Variants in MTBP observed in about 807,000 individuals in gnomAD.
The protein encoded by MTBP is MDM2 binding protein.
Under a neutral mutation model 117.0 loss-of-function variants are expected in MTBP, and 101 were observed. That is an observed-to-expected ratio of 0.86 (90% CI 0.73 to 1.02). The LOEUF (loss-of-function observed/expected upper bound fraction) is 1.02. MTBP is among the 50% of genes least tolerant of loss of function. The pLI is 0.00. For missense variants in MTBP, 970 were observed against 1,030.9 expected (o/e 0.94, Z 0.81); for synonymous variants, 350 against 351.5 (o/e 1.00, Z 0.05).
chr8:120,489,189 C>T (rs1200594355), intron 12 of MTBP, among the ~76,000 whole-genome samples: 1 of 152,002 alleles, frequency 6.6e-6, no homozygotes, highest in Non-Finnish European at 1.5e-5. Context: ...CAGGTGTGCA[C>T]CACCATGCCC....
In MTBP at chr8:120,497,482, T is replaced by G; in HGVS notation, c.1537T>G (p.Tyr513Asp). ...LVLTRKHFLD[Y>D]FDAVIPKMIL... ...ACTCACAAGGAAACACTTTTTAGAT[T>G]ATTTTGATGCTGTGATTCCTAAAAT... Residue 513 changes from tyrosine (Y) to aspartate (D), a missense_variant, in exon 14 of 22, where the codon TAT becomes GAT. Transcript: ENST00000305949. The G allele has an allele frequency of 6.3e-7, 1 of 1,597,100 alleles. No homozygotes were observed. Among genetic ancestry groups the G allele is most frequent in the Middle Eastern group, 1.7e-4 (1 of 6,014 alleles).
intron 13 of MTBP, among the ~76,000 whole-genome samples, chr8:120,493,241 C>T (rs1222711167): frequency 6.6e-6 from 1 of 152,118 alleles, no homozygotes; most frequent in East Asian, 1.9e-4. Context: ...ATGTTTTTCT[C>T]TCAAATATTT....
At chr8:120,502,858 GC>G (rs1292679552) in intron 15 of MTBP, among the ~76,000 whole-genome samples, 3 of 152,154 alleles carry the variant, frequency 2.0e-5, no homozygotes, top group Admixed American at 6.5e-5. Context: ...TTGGTATATA[GC>G]CTTTCAGACC....
At chr8:120,513,819 C>T (rs569066793) in intron 17 of MTBP, among the ~76,000 whole-genome samples, 125 of 151,944 alleles carry the variant, frequency 8.2e-4, no homozygotes, top group Non-Finnish European at 1.2e-3. Flanking sequence ...CTACCAATTA[C>T]CCATGATAGA....
At chr8:120,512,204 G>C (rs1369451186) in intron 17 of MTBP, among the ~76,000 whole-genome samples, 1 of 152,092 alleles carries the variant, frequency 6.6e-6, no homozygotes, top group East Asian at 1.9e-4. Flanking sequence ...TCACTGTTGA[G>C]AAAATGTGCT....
At chr8:120,465,673 T>G (rs1310643152) in intron 10 of MTBP, among the ~76,000 whole-genome samples, 1 of 147,604 alleles carries the variant, frequency 6.8e-6, no homozygotes, top group African/African-American at 2.5e-5. Context: ...TTTTTTTTTT[T>G]TTTTGAGACG....
chr8:120,446,829 A>G (rs1373535441), intron 2 of MTBP, among the ~76,000 whole-genome samples: 4 of 152,168 alleles, frequency 2.6e-5, no homozygotes, highest in African/African-American at 9.7e-5. Flanking sequence ...TATCATGAGT[A>G]AAAATATGTA....
intron 12 of MTBP, among the ~76,000 whole-genome samples, chr8:120,490,038 G>A (rs1249640618): frequency 1.3e-5 from 2 of 152,136 alleles, no homozygotes; most frequent in African/African-American, 4.8e-5. Context: ...GGCTATCATG[G>A]GACCATCCAG....
chr8:120,492,227 A>G (rs1226475612), intron 13 of MTBP, among the ~76,000 whole-genome samples: 1 of 152,200 alleles, frequency 6.6e-6, no homozygotes, highest in African/African-American at 2.4e-5. Context: ...TACTTACTGA[A>G]CAAATCTCTT....
In MTBP at chr8:120,446,501, A is replaced by G; in HGVS notation, c.187A>G (p.Ser63Gly). ...TAGTGCTTCAATTAATCCAGAAGAT[A>G]GTACTTTCCCTGGTAAGTATAATAA... ...SISASINPED[S>G]TFPACSVGGI... Residue 63 changes from serine (S) to glycine (G), a missense_variant, in exon 2 of 22, where the codon AGT (serine) becomes GGT (glycine). By Grantham distance (56) the Ser-to-Gly change is moderately conservative. Transcript: ENST00000305949. 6.3e-7 allele frequency: 1 copy of G among 1,577,402 alleles called. No homozygotes were observed. Among genetic ancestry groups the G allele is most frequent in the Non-Finnish European group, 8.7e-7 (1 of 1,147,084 alleles).
chr8:120,511,324 T>C (rs57263062), intron 17 of MTBP, among the ~76,000 whole-genome samples: 2 of 152,354 alleles, frequency 1.3e-5, no homozygotes, highest in East Asian at 3.9e-4. Flanking sequence ...TTCTAGACAG[T>C]CTCACTTTTT....
chr8:120,475,006 G>A (rs865944708), intron 11 of MTBP, among the ~76,000 whole-genome samples: 2 of 151,820 alleles, frequency 1.3e-5, no homozygotes, highest in African/African-American at 4.8e-5. Context: ...TATTTTTATC[G>A]AGCACTTACA....
At chr8:120,483,176 A>C (rs559286102) in intron 11 of MTBP, among the ~76,000 whole-genome samples, 1 of 152,120 alleles carries the variant, frequency 6.6e-6, no homozygotes, top group Admixed American at 6.6e-5. Flanking sequence ...TGATTTATGA[A>C]TATAAAGTAA....
At chr8:120,499,606 G>A (rs1169006064) in intron 14 of MTBP, among the ~76,000 whole-genome samples, 6 of 152,010 alleles carry the variant, frequency 3.9e-5, no homozygotes. Flanking sequence ...AAACACTAAG[G>A]CCAATTAGAT....
chr8:120,518,193 T>C (rs959545196), intron 19 of MTBP, 93 bp downstream of exon 19: 93 of 1,335,876 alleles, frequency 7.0e-5, no homozygotes, highest in Middle Eastern at 2.6e-4. Context: ...ATTTTATGAA[T>C]GAAATGAAAC....
At position 120,453,863 on chromosome 8, in the gene MTBP, G is replaced by A; in HGVS notation, c.442G>A (p.Ala148Thr). The change falls in exon 5 of 22, where the codon GCA becomes ACA. Residue 148 changes from alanine (A) to threonine (T), a missense_variant. Ala to Thr is a moderately conservative substitution (Grantham distance 58, BLOSUM62 0). Coordinates refer to ENST00000305949, the MANE Select transcript of MTBP (RefSeq NM_022045.5). ...TTATTTTAGTCTCTATGAAGAAGCT[G>A]CAGAAAATTTGCATCAGCTGTCAGA... The part of the protein sequence containing the change: ...LSLADLYEEA[A>T]ENLHQLSDKL... 6.3e-7 allele frequency: 1 copy of A among 1,582,338 alleles called. No homozygotes were observed. The highest frequency in any genetic ancestry group is 8.6e-7 in the Non-Finnish European group (1 of 1,160,518).
In MTBP at chr8:120,470,880, C is replaced by T; in HGVS notation, c.1108C>T (p.Gln370Ter). ...TAACATACTGATTCCACCTCCCAACCAACTCAGTTCAAGAAAATGGAAGGA... is the reference window on the plus strand; with the variant it reads ...TAACATACTGATTCCACCTCCCAACTAACTCAGTTCAAGAAAATGGAAGGA... ...ISNILIPPPN[Q>*]LSSRKWKEYI... Residue 370 changes from glutamine (Q) to a stop codon, truncating the protein, a stop_gained, in exon 11 of 22, where the codon CAA becomes TAA. Coordinates refer to ENST00000305949, the MANE Select transcript of MTBP (RefSeq NM_022045.5). LOFTEE classifies it high-confidence loss of function. 1 of 1,612,402 alleles carries T rather than the reference C, an allele frequency of 6.2e-7. No individual in the cohort carries two copies. Among genetic ancestry groups the T allele is most frequent in the East Asian group, 2.2e-5 (1 of 44,766 alleles).
chr8:120,480,644 AAC>A (rs1814060035), intron 11 of MTBP, among the ~76,000 whole-genome samples: 1 of 152,194 alleles, frequency 6.6e-6, no homozygotes, highest in Non-Finnish European at 1.5e-5. Context: ...GGACAGTTTC[AAC>A]ACACTGCTGG....
chr8:120,451,443 A>G (rs1813344500), intron 4 of MTBP, 121 bp downstream of exon 4: 1 of 793,350 alleles, frequency 1.3e-6, no homozygotes, highest in Admixed American at 3.1e-5. Context: ...AGTTAATTGA[A>G]ATTTTTGACT....
Sources: gnomAD v4.1 joint callset for allele counts (sites outside exome capture counted in the v4.1 genomes callset) on GRCh38, gnomAD v4.1.1 for gene constraint, MANE v1.5 for transcripts, NCBI Gene and HGNC (gene_info 2026-07-23, HGNC 2026-07-21) for gene names.